NUDC: variants seen among roughly 807,000 people sequenced by gnomAD.
The protein encoded by NUDC is nuclear migration protein nudC.
NUDC carries 14 observed loss-of-function variants against 45.0 expected under a neutral mutation model. That is an observed-to-expected ratio of 0.31 (90% CI 0.21 to 0.49). The LOEUF is 0.49. Ranked by LOEUF, NUDC falls within the 20% of genes least tolerant of loss-of-function variation. The probability of loss-of-function intolerance (pLI) is 0.99; values close to 1 mark genes in which losing one functional copy is unlikely to be tolerated. For missense variants in NUDC, 323 were observed against 426.2 expected (o/e 0.76, Z 2.13); for synonymous variants, 153 against 156.7 (o/e 0.98, Z 0.17).
At chr1:26,902,975 A>G (rs2081986899) in intron 2 of NUDC, among the ~76,000 whole-genome samples, 1 of 151,900 alleles carries the variant, frequency 6.6e-6, no homozygotes, top group Admixed American at 6.6e-5. Context: ...GCTTGAACCC[A>G]GGAGGCGGAG....
intron 2 of NUDC, among the ~76,000 whole-genome samples, chr1:26,934,754 G>T (rs1184186969): frequency 6.6e-6 from 1 of 151,372 alleles, no homozygotes; most frequent in East Asian, 1.9e-4. Context: ...CCGCCTCCTG[G>T]GTTCACGCCA....
At chr1:26,903,675 C>G (rs940889850) in intron 2 of NUDC, among the ~76,000 whole-genome samples, 3 of 151,960 alleles carry the variant, frequency 2.0e-5, no homozygotes, top group Non-Finnish European at 4.4e-5. Context: ...GGAGACCAGC[C>G]TGGGCAACAT....
At chr1:26,941,085 C>CTTTT (rs772114445) in intron 2 of NUDC, among the ~76,000 whole-genome samples, 1 of 91,370 alleles carries the variant, frequency 1.1e-5, no homozygotes, top group African/African-American at 4.6e-5. Context: ...CCATGCCCAG[C>CTTTT]TTTTTTTTTT....
intron 2 of NUDC, among the ~76,000 whole-genome samples, chr1:26,927,556 C>T (rs1490751188): frequency 6.6e-6 from 1 of 151,850 alleles, no homozygotes; most frequent in African/African-American, 2.4e-5. Flanking sequence ...CGCCCCTATG[C>T]CTGGCTAATT....
upstream of NUDC, among the ~76,000 whole-genome samples, chr1:26,920,038 G>C (rs2082080883): frequency 6.6e-6 from 1 of 152,062 alleles, no homozygotes; most frequent in East Asian, 1.9e-4. Context: ...TCTGAAGTGG[G>C]GAACACGCAA....
chr1:26,913,823 G>A (rs765716254), intron 3 of NUDC: 3 of 1,512,550 alleles, frequency 2.0e-6, no homozygotes, highest in Non-Finnish European at 2.7e-6. Flanking sequence ...TGCCTACATA[G>A]GCAGCGGCTA....
At chr1:26,910,350 G>C (rs1227504474) in intron 2 of NUDC, among the ~76,000 whole-genome samples, 1 of 152,066 alleles carries the variant, frequency 6.6e-6, no homozygotes, top group Non-Finnish European at 1.5e-5. Flanking sequence ...ATTTGTGTGA[G>C]ATCTCAGCTG....
intron 2 of NUDC, among the ~76,000 whole-genome samples, chr1:26,934,276 C>T (rs1371920646): frequency 6.6e-6 from 1 of 152,154 alleles, no homozygotes; most frequent in Admixed American, 6.5e-5. Context: ...TGAGTGCCAG[C>T]AGAAGAAATG....
chr1:26,904,650 T>A (rs1182333028), intron 2 of NUDC, among the ~76,000 whole-genome samples: 1 of 152,078 alleles, frequency 6.6e-6, no homozygotes, highest in Non-Finnish European at 1.5e-5. Flanking sequence ...TGAAGACAGA[T>A]CATCTAAGCT....
intron 6 of NUDC, among the ~76,000 whole-genome samples, chr1:26,943,353 G>T (rs1413979272): frequency 2.6e-5 from 4 of 152,118 alleles, no homozygotes; most frequent in African/African-American, 9.7e-5. Flanking sequence ...GACTACAGGT[G>T]TACACCACCA....
chr1:26,921,895 C>G lies in NUDC; in HGVS notation c.47C>G (p.Ala16Gly). The G allele has an allele frequency of 6.4e-7, 1 of 1,554,886 alleles. No homozygotes were observed. Among genetic ancestry groups the G allele is most frequent in the Non-Finnish European group, 8.7e-7 (1 of 1,149,092 alleles). Residue 16 changes from alanine to glycine, a missense_variant, in exon 1 of 9, where the codon GCC becomes GGC. Physicochemically the swap from Ala to Gly is moderately conservative, Grantham distance 60. Coordinates refer to ENST00000321265, the MANE Select transcript of NUDC (RefSeq NM_006600.4). Reference sequence around the variant, plus strand: ...GAGCGGTTCGACGGCATGTTGCTGGCCATGGCTCAGCAGCACGAGGGCGGC... The same window carrying G: ...GAGCGGTTCGACGGCATGTTGCTGGGCATGGCTCAGCAGCACGAGGGCGGC... Reference protein sequence around the residue: ...EEERFDGMLLAMAQQHEGGVQ... With the variant: ...EEERFDGMLLGMAQQHEGGVQ...
intron 4 of NUDC, 141 bp from the exon 5 acceptor site, chr1:26,942,519 C>T (rs868338362): frequency 6.5e-6 from 8 of 1,227,460 alleles, no homozygotes; most frequent in African/African-American, 1.5e-5. Context: ...GGGGGTCTGC[C>T]CCTCTGTGGA....
chr1:26,933,934 C>G (rs1383465489), intron 2 of NUDC, among the ~76,000 whole-genome samples: 2 of 152,106 alleles, frequency 1.3e-5, no homozygotes, highest in African/African-American at 4.8e-5. Context: ...GTGGGCAGAT[C>G]ACGAGGTCAG....
rs191018347 is a variant in NUDC, at chr1:26,943,405, G to A, written c.741+340G>A. 3.8e-3 allele frequency among the ~76,000 whole-genome samples: 539 copies of A among 140,520 alleles called. 3 individuals are homozygous for A. Among genetic ancestry groups the A allele is most frequent in the African/African-American group, 0.017 (509 of 30,774 alleles). 92.2% of individuals were successfully genotyped at this position (140,520 alleles called of 152,430 possible). Reference sequence around the variant, plus strand: ...GTTATTAAATTTTTTTGTAGAGACCGGGGGGTCTCACTATATTTCCCAGGC... The same window carrying A: ...GTTATTAAATTTTTTTGTAGAGACCAGGGGGTCTCACTATATTTCCCAGGC... On this transcript the variant is annotated intron_variant, in intron 6 of 8. Coordinates refer to ENST00000321265, the MANE Select transcript of NUDC (RefSeq NM_006600.4).
chr1:26,908,472 G>A (rs895173144), intron 2 of NUDC, among the ~76,000 whole-genome samples: 7 of 152,314 alleles, frequency 4.6e-5, no homozygotes, highest in African/African-American at 1.7e-4. Flanking sequence ...CTCAAGAAAC[G>A]CAGACAAGAA....
In NUDC at chr1:26,942,923, T is replaced by C. The variant is rs1180372460; in HGVS notation, c.599T>C (p.Val200Ala). 4 of 1,613,922 alleles carry C rather than the reference T, an allele frequency of 2.5e-6. No homozygotes were observed. Among genetic ancestry groups the C allele is most frequent in the Non-Finnish European group, 1.7e-6 (2 of 1,180,016 alleles). The part of the protein sequence containing the change: ...NFRLKGKDMV[V>A]DIQRRHLRVG... ...CGGCTGAAAGGGAAGGACATGGTGG[T>C]GGACATCCAGCGGCGGCACCTCCGG... is the stretch of plus-strand genomic sequence containing the variant. The change falls in exon 6 of 9, where the codon GTG becomes GCG. Residue 200 changes from valine (V) to alanine (A), a missense_variant. Transcript: ENST00000321265.
At chr1:26,925,278 C>T (rs1390746106) in intron 2 of NUDC, among the ~76,000 whole-genome samples, 1 of 151,334 alleles carries the variant, frequency 6.6e-6, no homozygotes, top group Non-Finnish European at 1.5e-5. Context: ...CGGTGGCTCA[C>T]GCCTGTAATC....
intron 2 of NUDC, among the ~76,000 whole-genome samples, chr1:26,927,698 T>C (rs1229704626): frequency 2.6e-5 from 4 of 151,998 alleles, no homozygotes; most frequent in Non-Finnish European, 4.4e-5. Flanking sequence ...GCCCAGCCCC[T>C]AATTTTTCTT....
chr1:26,930,482 T>TG (rs1287584128), intron 2 of NUDC, among the ~76,000 whole-genome samples: 1 of 152,042 alleles, frequency 6.6e-6, no homozygotes, highest in Admixed American at 6.6e-5. Flanking sequence ...TGGGCTGAGA[T>TG]GGGGGGATCA....
Sources: allele counts gnomAD v4.1 joint callset (sites outside exome capture counted in the v4.1 genomes callset), GRCh38; gene constraint gnomAD v4.1.1; transcripts MANE v1.5; gene names NCBI Gene and HGNC (gene_info 2026-07-23, HGNC 2026-07-21).